Variants in TAFA2 observed in about 807,000 individuals in gnomAD.
TAFA2 encodes TAFA chemokine like family member 2, also known as chemokine-like protein TAFA-2.
TAFA2 carries 7 observed loss-of-function variants against 18.8 expected under a neutral mutation model. The observed-to-expected ratio is 0.37, with a 90% CI of 0.21 to 0.70. TAFA2 has a LOEUF of 0.70. TAFA2 is among the 30% of genes least tolerant of loss of function. TAFA2 has a pLI of 0.53. For missense variants in TAFA2, 122 were observed against 158.1 expected, an observed-to-expected ratio of 0.77 and a Z score of 1.23; for synonymous variants, 60 against 54.2, an observed-to-expected ratio of 1.11 and a Z score of -0.47.
At chr12:62,207,777 C>T (rs1454872629) in intron 1 of TAFA2, among the ~76,000 whole-genome samples, 1 of 152,210 alleles carries the variant, frequency 6.6e-6, no homozygotes, top group Non-Finnish European at 1.5e-5. Context: ...TCATGATCAA[C>T]TCATCTGAGT....
intron 1 of TAFA2, among the ~76,000 whole-genome samples, chr12:61,956,631 T>TA (rs34261945): frequency 0.81 from 116,230 of 142,810 alleles, 50,169 homozygotes; most frequent in South Asian, 0.96. Context: ...TTTGTTTTGT[T>TA]AAAAAAAAAA....
chr12:62,195,718 T>C (rs779675145), upstream of TAFA2, among the ~76,000 whole-genome samples: 15 of 152,210 alleles, frequency 9.9e-5, 1 homozygote, highest in Non-Finnish European at 2.2e-4. Context: ...TAAACAAATG[T>C]GCTGCTATCA....
At chr12:61,922,785 A>T (rs1877111470) in intron 1 of TAFA2, among the ~76,000 whole-genome samples, 1 of 152,190 alleles carries the variant, frequency 6.6e-6, no homozygotes, top group South Asian at 2.1e-4. Context: ...GAAGCCAGGG[A>T]GCTGAGTGGT....
intron 1 of TAFA2, among the ~76,000 whole-genome samples, chr12:62,018,023 TGATC>T: frequency 6.6e-6 from 1 of 152,246 alleles, no homozygotes; most frequent in African/African-American, 2.4e-5. Flanking sequence ...CCCAGAACAT[TGATC>T]TCAGCTGAAA....
intron 1 of TAFA2, among the ~76,000 whole-genome samples, chr12:62,072,825 C>T (rs1486314434): frequency 5.9e-5 from 9 of 151,994 alleles, no homozygotes; most frequent in Non-Finnish European, 7.4e-5. Context: ...ATCAAAATAC[C>T]GAATGATCCA....
Position 61,906,608 on chromosome 12 carries a change from C to T in TAFA2, c.-1-39182G>A, listed in dbSNP as rs142444575. ...AGTGGGGTGCTTCTGTAAAGATACC[C>T]GAAAATGTGGAAGTGACTTTGGAAC... On this transcript the variant is annotated intron_variant, in intron 1 of 4. Coordinates refer to ENST00000416284, the MANE Select transcript of TAFA2 (RefSeq NM_178539.5). 2.5e-3 allele frequency among the ~76,000 whole-genome samples: 378 copies of T among 152,086 alleles called. 4 individuals are homozygous for T. Among genetic ancestry groups the T allele is most frequent in the African/African-American group, 7.5e-3 (310 of 41,500 alleles).
chr12:62,119,559 A>C (rs896487159), intron 1 of TAFA2, among the ~76,000 whole-genome samples: 10 of 152,184 alleles, frequency 6.6e-5, no homozygotes, highest in Non-Finnish European at 1.0e-4. Flanking sequence ...TCATTTTTGC[A>C]TTCCTACTAT....
chr12:61,914,008 A>G (rs1264021165), intron 1 of TAFA2, among the ~76,000 whole-genome samples: 2 of 152,204 alleles, frequency 1.3e-5, no homozygotes, highest in Non-Finnish European at 2.9e-5. Context: ...CTTAAAGGGG[A>G]AAACCCCAGC....
At chr12:61,997,031 G>A (rs1376504954) in intron 1 of TAFA2, among the ~76,000 whole-genome samples, 1 of 151,640 alleles carries the variant, frequency 6.6e-6, no homozygotes, top group Non-Finnish European at 1.5e-5. Flanking sequence ...TATATCAGTG[G>A]ACATAAAATC....
At chr12:62,026,219 A>C (rs1035195162) in intron 1 of TAFA2, among the ~76,000 whole-genome samples, 2 of 152,166 alleles carry the variant, frequency 1.3e-5, no homozygotes, top group African/African-American at 4.8e-5. Context: ...AAGGTTGCTA[A>C]GGTGTTCCAC....
At chr12:61,986,796 C>T (rs1201954823) in intron 1 of TAFA2, among the ~76,000 whole-genome samples, 4 of 152,224 alleles carry the variant, frequency 2.6e-5, no homozygotes, top group Admixed American at 2.6e-4. Flanking sequence ...GTTTTATATG[C>T]TTGAAAACTA....
chr12:61,799,526 T>C (rs1871319450), intron 2 of TAFA2, among the ~76,000 whole-genome samples: 1 of 152,054 alleles, frequency 6.6e-6, no homozygotes, highest in African/African-American at 2.4e-5. Context: ...TATATACATT[T>C]AAAGGTGACA....
chr12:62,197,910 C>T (rs2062655373), intron 1 of TAFA2, among the ~76,000 whole-genome samples: 2 of 152,124 alleles, frequency 1.3e-5, no homozygotes, highest in Non-Finnish European at 2.9e-5. Flanking sequence ...CTGCTATGAA[C>T]ATTTGTGAAG....
At chr12:62,036,366 G>A (rs1414954712) in intron 1 of TAFA2, among the ~76,000 whole-genome samples, 1 of 152,216 alleles carries the variant, frequency 6.6e-6, no homozygotes, top group East Asian at 1.9e-4. Flanking sequence ...GCAAAATGCT[G>A]CAGCTGCCAG....
At chr12:61,961,139 A>C (rs1025673870) in intron 1 of TAFA2, among the ~76,000 whole-genome samples, 2 of 151,876 alleles carry the variant, frequency 1.3e-5, no homozygotes, top group Non-Finnish European at 2.9e-5. Flanking sequence ...CCAGAGAAGG[A>C]GGAAAGAGAG....
At chr12:61,973,485 T>C (rs950487754) in intron 1 of TAFA2, among the ~76,000 whole-genome samples, 2 of 151,312 alleles carry the variant, frequency 1.3e-5, no homozygotes, top group Admixed American at 1.3e-4. Flanking sequence ...TACTTAATTA[T>C]AGATTAACAC....
chr12:62,125,952 G>A (rs907439274), intron 1 of TAFA2, among the ~76,000 whole-genome samples: 1 of 152,058 alleles, frequency 6.6e-6, no homozygotes, highest in Non-Finnish European at 1.5e-5. Context: ...CATATAATAA[G>A]TGAATCTGAT....
At chr12:62,210,027 C>G (rs1378659080) in intron 1 of TAFA2, among the ~76,000 whole-genome samples, 1 of 151,936 alleles carries the variant, frequency 6.6e-6, no homozygotes, top group Non-Finnish European at 1.5e-5. Context: ...AGTGAAACCC[C>G]GTCTCTACTA....
chr12:61,891,417 TG>T (rs1351077927), intron 1 of TAFA2, among the ~76,000 whole-genome samples: 1 of 151,996 alleles, frequency 6.6e-6, no homozygotes, highest in Non-Finnish European at 1.5e-5. Flanking sequence ...GAGGCCGAGG[TG>T]GGCGGATCCC....
Sources: gnomAD v4.1 joint callset for allele counts (sites outside exome capture counted in the v4.1 genomes callset) on GRCh38, gnomAD v4.1.1 for gene constraint, MANE v1.5 for transcripts, NCBI Gene and HGNC (gene_info 2026-07-23, HGNC 2026-07-21) for gene names.